The following SHMT1 variants were observed in gnomAD, a reference collection of about 807,000 sequenced individuals.
SHMT1 encodes the protein serine hydroxymethyltransferase 1.
SHMT1 carries 45 observed loss-of-function variants against 49.0 expected under a neutral mutation model. The ratio of observed to expected loss-of-function variants is 0.92; its 90% confidence interval spans 0.72 to 1.18. The LOEUF (loss-of-function observed/expected upper bound fraction) is 1.18, where lower values mean the gene tolerates loss of function less well. Ranked by LOEUF, SHMT1 falls within the 50% of genes most tolerant of loss-of-function variation. The pLI is 0.00. For synonymous variants in SHMT1, 232 were observed against 246.6 expected (o/e 0.94, Z 0.55); for missense variants, 541 against 612.4 (o/e 0.88, Z 1.23).
chr17:18,347,811 G>A (rs1161946262), intron 4 of SHMT1, among the ~76,000 whole-genome samples, 155 bp from the exon 5 acceptor site: 3 of 152,116 alleles, frequency 2.0e-5, no homozygotes, highest in African/African-American at 7.2e-5. Flanking sequence ...CACCAGCCTT[G>A]AGAGGTGAAG....
At chr17:18,335,706 A>G (rs1490461386) in intron 7 of SHMT1, 31 bp from the exon 8 acceptor site, 3 of 1,452,216 alleles carry the variant, frequency 2.1e-6, no homozygotes, top group Non-Finnish European at 2.9e-6. Flanking sequence ...CAGTGGGATC[A>G]TAGGGGCTGT....
intron 2 of SHMT1, among the ~76,000 whole-genome samples, chr17:18,354,488 C>CG (rs1986032761): frequency 1.3e-5 from 2 of 152,102 alleles, no homozygotes; most frequent in African/African-American, 4.8e-5. Flanking sequence ...CTCAGCTACT[C>CG]GGGGGGCCGA....
intron 10 of SHMT1, 41 bp downstream of exon 10, chr17:18,330,514 G>A: frequency 7.4e-7 from 1 of 1,351,282 alleles, no homozygotes; most frequent in African/African-American, 1.4e-5. Context: ...AAGAAATGCA[G>A]ATGGGAGAGG....
At chr17:18,333,102 A>T in intron 9 of SHMT1, 64 bp downstream of exon 9, 1 of 1,601,818 alleles carries the variant, frequency 6.2e-7, no homozygotes, top group Non-Finnish European at 8.5e-7. Context: ...GGTTGCACAA[A>T]CTGAGAAGCA....
At chr17:18,341,063 G>A in intron 5 of SHMT1, 1 of 544,954 alleles carries the variant, frequency 1.8e-6, no homozygotes, top group East Asian at 3.2e-5. Flanking sequence ...CTGCTGAGAA[G>A]GAACCAAAAA....
chr17:18,328,635 G>C lies in SHMT1; in HGVS notation c.*115C>G. 2.6e-6 allele frequency: 3 copies of C among 1,167,022 alleles called. No homozygotes were observed. 72.3% of individuals were successfully genotyped at this position (1,167,022 alleles called of 1,614,324 possible). A position where few individuals can be genotyped will look rare whatever the true frequency, so the allele number is the denominator to read the frequency against. On this transcript the variant is annotated 3_prime_UTR_variant, in exon 12 of 12. Transcript: ENST00000316694. ...AAAGTCCAAAAGAAACCCCCTCAAA[G>C]GGCCCGAGTGTCAACAGTTCCCCTT...
At chr17:18,351,975 G>C (rs887330374) in intron 3 of SHMT1, among the ~76,000 whole-genome samples, 7 of 151,982 alleles carry the variant, frequency 4.6e-5, no homozygotes, top group Admixed American at 4.6e-4. Context: ...TTCTTGAGTA[G>C]CTGAGACTAC....
intron 2 of SHMT1, among the ~76,000 whole-genome samples, chr17:18,355,050 C>CAAAAAAAA (rs768492183): frequency 8.2e-5 from 2 of 24,458 alleles, no homozygotes; most frequent in Non-Finnish European, 1.3e-4. Context: ...GACTATATCT[C>CAAAAAAAA]AAAAAAAAAA....
chr17:18,344,216 G>A (rs752991670), intron 5 of SHMT1, among the ~76,000 whole-genome samples: 30 of 152,154 alleles, frequency 2.0e-4, no homozygotes, highest in Non-Finnish European at 3.8e-4. Context: ...ACAAGGTTTC[G>A]GGAACCAAGA....
At chr17:18,356,047 T>C in intron 1 of SHMT1, 47 bp from the exon 2 acceptor site, 2 of 854,744 alleles carry the variant, frequency 2.3e-6, no homozygotes, top group Non-Finnish European at 3.7e-6. Flanking sequence ...TTAAATTTAT[T>C]TATTTTATTT....
intron 1 of SHMT1, among the ~76,000 whole-genome samples, chr17:18,357,194 T>G (rs1230612532): frequency 7.1e-6 from 1 of 141,044 alleles, no homozygotes; most frequent in Admixed American, 7.8e-5. Context: ...GGCAGGAGAA[T>G]CTCTTGAATC....
intron 5 of SHMT1, among the ~76,000 whole-genome samples, chr17:18,346,600 T>C (rs1985102347): frequency 6.6e-6 from 1 of 152,174 alleles, no homozygotes; most frequent in East Asian, 1.9e-4. Context: ...GGTGTACACC[T>C]GAGCCATACA....
intron 5 of SHMT1, among the ~76,000 whole-genome samples, chr17:18,345,500 G>A (rs1030749982): frequency 6.6e-6 from 1 of 151,618 alleles, no homozygotes; most frequent in Non-Finnish European, 1.5e-5. Context: ...CGGATGATCC[G>A]CCCACTTCGA....
intron 1 of SHMT1, among the ~76,000 whole-genome samples, chr17:18,359,153 G>A (rs1053203854): frequency 4.0e-5 from 6 of 151,562 alleles, no homozygotes; most frequent in Non-Finnish European, 5.9e-5. Context: ...CAGGAGAATC[G>A]CTTGAACCCG....
At chr17:18,358,140 C>G (rs1435595301) in intron 1 of SHMT1, among the ~76,000 whole-genome samples, 2 of 113,706 alleles carry the variant, frequency 1.8e-5, no homozygotes, top group Non-Finnish European at 3.6e-5. Context: ...CCAGCCTGGG[C>G]TAGGACTCTT....
intron 8 of SHMT1, chr17:18,333,502 G>C (rs924866296): frequency 5.4e-6 from 1 of 183,874 alleles, no homozygotes; most frequent in Non-Finnish European, 1.1e-5. Context: ...TTTCACTCTT[G>C]TTGCCCAGGC....
intron 7 of SHMT1, among the ~76,000 whole-genome samples, chr17:18,337,072 A>G (rs1300342120): frequency 2.2e-5 from 3 of 136,580 alleles, no homozygotes. Context: ...TTCAGTCATA[A>G]TCGGTAACAT....
In SHMT1 at chr17:18,353,717, C is replaced by T. The variant is rs1985947376; in HGVS notation, c.197G>A (p.Gly66Asp). ...AGAGTATTTGTTATTTAAGCAAGAG[C>T]CTAGGGCCTCCAAAACTGCTCGGCT... is the stretch of plus-strand genomic sequence containing the variant. ...FASRAVLEAL[G>D]SCLNNKYSEG... Residue 66 changes from glycine to aspartate, a missense_variant, in exon 3 of 12, where the codon GGC becomes GAC. Gly to Asp is a moderately conservative substitution (Grantham distance 94). Transcript: ENST00000316694. The T allele has an allele frequency of 1.9e-6, 3 of 1,613,974 alleles. No homozygotes were observed. The highest frequency in any genetic ancestry group is 2.5e-6 in the Non-Finnish European group (3 of 1,180,026).
chr17:18,358,255 G>C (rs981987594), intron 1 of SHMT1, among the ~76,000 whole-genome samples: 3 of 151,664 alleles, frequency 2.0e-5, no homozygotes, highest in Admixed American at 6.6e-5. Context: ...ACTTTGGGAG[G>C]CCGAGGTGGG....
Sources: gnomAD v4.1 joint callset for allele counts (sites outside exome capture counted in the v4.1 genomes callset) on GRCh38, gnomAD v4.1.1 for gene constraint, MANE v1.5 for transcripts, NCBI Gene and HGNC (gene_info 2026-07-23, HGNC 2026-07-21) for gene names.